Variants in SLC22A14 observed in about 807,000 individuals in gnomAD.
SLC22A14 encodes solute carrier family 22 member 14.
SLC22A14 carries 50 observed loss-of-function variants against 53.9 expected under a neutral mutation model. The observed-to-expected ratio is 0.93, with a 90% CI of 0.74 to 1.17. The LOEUF (loss-of-function observed/expected upper bound fraction) is 1.17. Among genes scored for constraint, SLC22A14 ranks in the 50% most tolerant of loss-of-function variants. The probability of loss-of-function intolerance (pLI) is 0.00; values close to 1 mark genes in which losing one functional copy is unlikely to be tolerated. For synonymous variants in SLC22A14, 312 were observed against 303.0 expected (o/e 1.03, Z -0.31); for missense variants, 671 against 734.7 (o/e 0.91, Z 1.00).
At chr3:38,313,649 G>C in intron 7 of SLC22A14, 78 bp from the exon 8 acceptor site, 3 of 861,542 alleles carry the variant, frequency 3.5e-6, no homozygotes, top group Non-Finnish European at 5.3e-6. Context: ...GACCCTTGCT[G>C]CTCTGCCTCT....
intron 1 of SLC22A14, among the ~76,000 whole-genome samples, chr3:38,296,183 G>A (rs1300216047): frequency 2.6e-5 from 4 of 152,234 alleles, no homozygotes; most frequent in African/African-American, 9.6e-5. Flanking sequence ...GCACACGCAT[G>A]GGCGGCTGTT....
intron 1 of SLC22A14, among the ~76,000 whole-genome samples, chr3:38,296,722 A>G (rs1704046158): frequency 6.6e-6 from 1 of 152,180 alleles, no homozygotes. Context: ...GAGCTCTATT[A>G]GAAGCTGTGG....
intron 5 of SLC22A14, among the ~76,000 whole-genome samples, chr3:38,311,215 T>C (rs1457541646): frequency 6.6e-6 from 1 of 152,224 alleles, no homozygotes; most frequent in Non-Finnish European, 1.5e-5. Flanking sequence ...CTGTTAGCAG[T>C]GAGCACCAAT....
In SLC22A14 at chr3:38,307,431, T is replaced by C. The variant is rs1704338547; in HGVS notation, c.620+74T>C. The C allele has an allele frequency of 6.5e-7, 1 of 1,528,566 alleles. No individual in the cohort carries two copies. The highest frequency in any genetic ancestry group is 1.4e-5 in the African/African-American group (1 of 73,138). The allele number at this position is 1,528,566 out of a possible 1,614,324, so 94.7% of individuals were successfully genotyped here. A position where few individuals can be genotyped will look rare whatever the true frequency, so the allele number is the denominator to read the frequency against. On this transcript the variant is annotated intron_variant, in intron 3 of 10. Coordinates refer to ENST00000448498, the MANE Select transcript of SLC22A14 (RefSeq NM_001320033.2). The surrounding 1 kb of genome is among the most constrained non-coding windows in gnomAD (Gnocchi z 4.4). ...CTCATGGGCATTCAGGGTTGGAGTG[T>C]GTCAGGCTGAGGGAGGTGAGGGTAG...
chr3:38,305,427 G>T, intron 1 of SLC22A14: 1 of 152,960 alleles, frequency 6.5e-6, no homozygotes, highest in Non-Finnish European at 1.5e-5. Flanking sequence ...AGAGTTTTAA[G>T]CTTAGTTTCC....
At chr3:38,316,194 T>G (rs1286358569) in intron 9 of SLC22A14, 130 bp from the exon 10 acceptor site, 1 of 780,860 alleles carries the variant, frequency 1.3e-6, no homozygotes, top group Admixed American at 2.3e-5. Context: ...AATTATTGCC[T>G]ACTTGGAATC....
In SLC22A14 at chr3:38,306,497, T is replaced by C; in HGVS notation, c.471T>C (p.Asp157=). 1 of 1,614,146 alleles carries C rather than the reference T, an allele frequency of 6.2e-7. No individual in the cohort carries two copies. The highest frequency in any genetic ancestry group is 8.5e-7 in the Non-Finnish European group (1 of 1,180,016). ...FGLNDTDTCQ[D]GWIYPDAKKR... is the part of the protein sequence containing the mutation. ...TCAATGACACAGACACATGCCAAGA[T>C]GGGTGGATCTATCCTGACGCTAAGA... is the stretch of plus-strand genomic sequence containing the variant. Residue 157 remains aspartate (D), a synonymous_variant, in exon 2 of 11, where the codon GAT becomes GAC. Coordinates refer to ENST00000448498, the MANE Select transcript of SLC22A14 (RefSeq NM_001320033.2).
At chr3:38,289,463 G>A (rs757964514) in intron 1 of SLC22A14, among the ~76,000 whole-genome samples, 13 of 152,062 alleles carry the variant, frequency 8.5e-5, no homozygotes, top group Admixed American at 7.2e-4. Flanking sequence ...AGATGGTGGC[G>A]GGCTGCTTCC....
intron 10 of SLC22A14, among the ~76,000 whole-genome samples, chr3:38,317,750 A>G (rs1249564855): frequency 1.3e-5 from 2 of 152,238 alleles, no homozygotes; most frequent in Non-Finnish European, 2.9e-5. Flanking sequence ...CCTGTTCTAC[A>G]CATGCCTTAT....
intron 4 of SLC22A14, chr3:38,308,149 G>GAGGAGGAGGAGGAAAGAAGAAGAAAGA (rs1220075151): frequency 6.3e-6 from 1 of 157,636 alleles, no homozygotes; most frequent in Non-Finnish European, 1.4e-5. Flanking sequence ...GAAGAAGAAG[G>GAGGAGGAGGAGGAAAGAAGAAGAAAGA]AGGAGGAGGA....
intron 4 of SLC22A14, among the ~76,000 whole-genome samples, chr3:38,308,314 C>T (rs1704373530): frequency 6.6e-6 from 1 of 152,196 alleles, no homozygotes; most frequent in Non-Finnish European, 1.5e-5. Flanking sequence ...CCTTTATATG[C>T]ATTGTCTCAT....
chr3:38,311,553 T>G (rs1704467390), intron 5 of SLC22A14, among the ~76,000 whole-genome samples: 1 of 152,230 alleles, frequency 6.6e-6, no homozygotes, highest in Non-Finnish European at 1.5e-5. Flanking sequence ...TGTTTCTCTC[T>G]TCTCACATTT....
At chr3:38,290,876 A>ATTTCCT (rs1373141532) in intron 1 of SLC22A14, among the ~76,000 whole-genome samples, 1 of 151,656 alleles carries the variant, frequency 6.6e-6, no homozygotes, top group Non-Finnish European at 1.5e-5. Context: ...GTTCCCTTCT[A>ATTTCCT]TTTCCTTTTC....
At chr3:38,309,987 A>T (rs1704424089) in intron 5 of SLC22A14, among the ~76,000 whole-genome samples, 1 of 152,192 alleles carries the variant, frequency 6.6e-6, no homozygotes, top group Admixed American at 6.5e-5. Context: ...GCACACAGCT[A>T]GAAAGTGGGG....
At chr3:38,317,614 T>C (rs528667037) in intron 10 of SLC22A14, among the ~76,000 whole-genome samples, 5 of 152,266 alleles carry the variant, frequency 3.3e-5, no homozygotes, top group African/African-American at 4.8e-5. Context: ...GTGCCGCAAC[T>C]TCCTAGTGTG....
chr3:38,296,026 C>T (rs915050587), intron 1 of SLC22A14, among the ~76,000 whole-genome samples: 4 of 152,116 alleles, frequency 2.6e-5, no homozygotes, highest in African/African-American at 9.7e-5. Flanking sequence ...ATACAACTTG[C>T]TAGAGGAAAT....
chr3:38,280,619 G>T (rs183617817), upstream of SLC22A14, among the ~76,000 whole-genome samples: 1 of 150,898 alleles, frequency 6.6e-6, no homozygotes, highest in African/African-American at 2.4e-5. Context: ...TCAACCCAGA[G>T]AGTTCTGGGA....
chr3:38,285,975 G>A (rs1481407399), intron 1 of SLC22A14, among the ~76,000 whole-genome samples: 2 of 152,186 alleles, frequency 1.3e-5, no homozygotes, highest in African/African-American at 2.4e-5. Context: ...GCTCACACCT[G>A]TAATCCCAGC....
At chr3:38,292,020 A>C (rs1037768542) in intron 1 of SLC22A14, among the ~76,000 whole-genome samples, 4 of 152,362 alleles carry the variant, frequency 2.6e-5, no homozygotes, top group African/African-American at 9.6e-5. Context: ...TTTTAGCCTT[A>C]AGTATTTAAC....
Sources: gnomAD v4.1 joint callset for allele counts (sites outside exome capture counted in the v4.1 genomes callset) on GRCh38, gnomAD v4.1.1 for gene constraint, Gnocchi (gnomAD v3.1) non-coding constraint, MANE v1.5 for transcripts, NCBI Gene and HGNC (gene_info 2026-07-23, HGNC 2026-07-21) for gene names.